ENTHD1: variants seen among roughly 807,000 people sequenced by gnomAD.
The protein encoded by ENTHD1 is ENTH domain containing 1.
In ENTHD1, 23 loss-of-function variants were observed where a neutral mutation model predicts 39.1. The observed-to-expected ratio is 0.59, with a 90% CI of 0.42 to 0.83. The LOEUF is 0.83. Ranked by LOEUF, ENTHD1 falls within the 40% of genes least tolerant of loss-of-function variation. The probability of loss-of-function intolerance (pLI) is 0.00; values close to 1 mark genes in which losing one functional copy is unlikely to be tolerated. For synonymous variants in ENTHD1, 230 were observed against 258.2 expected (o/e 0.89, Z 1.05); for missense variants, 624 against 705.4 (o/e 0.88, Z 1.31).
At chr22:39,857,272 G>A (rs1048913154) in intron 3 of ENTHD1, among the ~76,000 whole-genome samples, 7 of 151,502 alleles carry the variant, frequency 4.6e-5, no homozygotes, top group African/African-American at 9.7e-5. Context: ...AAGGAACCCC[G>A]TCTCTACTTA....
At chr22:39,780,113 C>A (rs1297863024) in intron 5 of ENTHD1, among the ~76,000 whole-genome samples, 2 of 152,158 alleles carry the variant, frequency 1.3e-5, no homozygotes, top group African/African-American at 4.8e-5. Context: ...GTGGCTCATG[C>A]CTGTAACTCC....
At chr22:39,841,835 T>C (rs1398425229) in intron 3 of ENTHD1, among the ~76,000 whole-genome samples, 1 of 152,244 alleles carries the variant, frequency 6.6e-6, no homozygotes, top group African/African-American at 2.4e-5. Flanking sequence ...CTAGTCTCGA[T>C]GATCTTTACA....
At chr22:39,759,987 C>A (rs977268057) in intron 6 of ENTHD1, among the ~76,000 whole-genome samples, 2 of 151,660 alleles carry the variant, frequency 1.3e-5, no homozygotes, top group Non-Finnish European at 3.0e-5. Context: ...TGTTTGTTTT[C>A]ATACCGCACT....
chr22:39,794,039 TTGCTA>T (rs1293620793), intron 5 of ENTHD1, among the ~76,000 whole-genome samples: 2 of 152,196 alleles, frequency 1.3e-5, no homozygotes, highest in Non-Finnish European at 2.9e-5. Flanking sequence ...AATCTGTAAA[TTGCTA>T]TGGGTGGTAT....
At chr22:39,891,301 C>T (rs1294971065) in intron 1 of ENTHD1, among the ~76,000 whole-genome samples, 3 of 152,168 alleles carry the variant, frequency 2.0e-5, no homozygotes, top group African/African-American at 4.8e-5. Context: ...AAACTGGAAG[C>T]TCCTTGGGGG....
chr22:39,855,989 C>T (rs940157994), intron 3 of ENTHD1, among the ~76,000 whole-genome samples: 11 of 152,252 alleles, frequency 7.2e-5, no homozygotes, highest in East Asian at 1.9e-4. Flanking sequence ...ATGTCCCCCT[C>T]GTGGCCGGGC....
At chr22:39,819,579 G>C (rs1164156516) in intron 5 of ENTHD1, among the ~76,000 whole-genome samples, 1 of 152,166 alleles carries the variant, frequency 6.6e-6, no homozygotes, top group Non-Finnish European at 1.5e-5. Context: ...CTGGTTGTTA[G>C]GGGTTAGTGG....
intron 5 of ENTHD1, among the ~76,000 whole-genome samples, chr22:39,792,501 T>C (rs190485766): frequency 5.1e-4 from 78 of 151,826 alleles, no homozygotes; most frequent in African/African-American, 1.8e-3. Context: ...TTTTTAATTA[T>C]CTTAAGCCTT....
chr22:39,863,604 C>G (rs998988488), intron 2 of ENTHD1, among the ~76,000 whole-genome samples: 2 of 152,292 alleles, frequency 1.3e-5, no homozygotes, highest in African/African-American at 4.8e-5. Flanking sequence ...CCTAGAAAAA[C>G]GATAAAGGAA....
chr22:39,844,834 T>A (rs1325603719), intron 3 of ENTHD1, among the ~76,000 whole-genome samples: 1 of 151,868 alleles, frequency 6.6e-6, no homozygotes, highest in Non-Finnish European at 1.5e-5. Flanking sequence ...AAAAAATGGG[T>A]GTAACAGAGT....
intron 5 of ENTHD1, among the ~76,000 whole-genome samples, chr22:39,803,186 A>G (rs902698565): frequency 1.3e-5 from 2 of 151,896 alleles, no homozygotes; most frequent in Non-Finnish European, 2.9e-5. Context: ...CTGATCTCTC[A>G]CACCACCATC....
At chr22:39,864,984 G>C (rs1427666733) in intron 2 of ENTHD1, among the ~76,000 whole-genome samples, 1 of 152,128 alleles carries the variant, frequency 6.6e-6, no homozygotes, top group Non-Finnish European at 1.5e-5. Context: ...AGTGTAACTG[G>C]AACCAGATTG....
chr22:39,743,247 AC>A lies in ENTHD1; in HGVS notation c.*431del, dbSNP rs1480931939. 6.5e-6 allele frequency: 1 copy of A among 153,630 alleles called. No homozygotes were observed. The highest frequency in any genetic ancestry group is 2.4e-5 in the African/African-American group (1 of 41,570). The allele number at this position is 153,630 out of a possible 1,614,324, so 9.5% of individuals were successfully genotyped here. ...TTGCAAAAGAATGTGTGAAATGTAT[AC>A]CCCCAAACTCAATCCTCCTAGGTCA... is the stretch of plus-strand genomic sequence containing the variant. On this transcript the variant is annotated 3_prime_UTR_variant, in exon 7 of 7. Coordinates refer to ENST00000325157, the MANE Select transcript of ENTHD1 (RefSeq NM_152512.4).
At chr22:39,808,789 C>T (rs937139126) in intron 5 of ENTHD1, among the ~76,000 whole-genome samples, 2 of 152,098 alleles carry the variant, frequency 1.3e-5, no homozygotes, top group African/African-American at 4.8e-5. Flanking sequence ...TACTTACCAC[C>T]CTTCTGGTCT....
At chr22:39,843,942 C>T (rs2065967095) in intron 3 of ENTHD1, among the ~76,000 whole-genome samples, 1 of 152,174 alleles carries the variant, frequency 6.6e-6, no homozygotes, top group African/African-American at 2.4e-5. Flanking sequence ...CCACAGTATC[C>T]ACTACAGACA....
At chr22:39,754,109 T>C (rs1368386381) in intron 6 of ENTHD1, among the ~76,000 whole-genome samples, 4 of 152,218 alleles carry the variant, frequency 2.6e-5, no homozygotes, top group African/African-American at 9.7e-5. Flanking sequence ...ATAGCAAATA[T>C]TTTGGGCTTT....
At chr22:39,815,821 A>G (rs1234877365) in intron 5 of ENTHD1, among the ~76,000 whole-genome samples, 1 of 152,230 alleles carries the variant, frequency 6.6e-6, no homozygotes, top group Non-Finnish European at 1.5e-5. Flanking sequence ...TAAATAGGTG[A>G]ATCTTAAGCA....
chr22:39,888,825 C>G (rs2055742830), intron 1 of ENTHD1, among the ~76,000 whole-genome samples: 1 of 152,160 alleles, frequency 6.6e-6, no homozygotes, highest in South Asian at 2.1e-4. Context: ...CCCACTTCAG[C>G]CTTCTGAAGT....
chr22:39,753,786 T>C (rs559061883), intron 6 of ENTHD1, among the ~76,000 whole-genome samples: 2 of 152,302 alleles, frequency 1.3e-5, no homozygotes, highest in African/African-American at 4.8e-5. Context: ...CTAGAACATG[T>C]CATCACTCAG....
Sources: allele counts gnomAD v4.1 joint callset (sites outside exome capture counted in the v4.1 genomes callset), GRCh38; gene constraint gnomAD v4.1.1; transcripts MANE v1.5; gene names NCBI Gene and HGNC (gene_info 2026-07-23, HGNC 2026-07-21).